The following FMN1 variants were observed in gnomAD, a reference collection of about 807,000 sequenced individuals.
The protein encoded by FMN1 is formin-1.
Under a neutral mutation model 132.4 loss-of-function variants are expected in FMN1, and 110 were observed. The ratio of observed to expected loss-of-function variants is 0.83; its 90% CI spans 0.71 to 0.97. The LOEUF (loss-of-function observed/expected upper bound fraction) is 0.97. Ranked by LOEUF, FMN1 falls within the 50% of genes least tolerant of loss-of-function variation. The probability of loss-of-function intolerance (pLI) is 0.00; values close to 1 mark genes in which losing one functional copy is unlikely to be tolerated. For missense variants in FMN1, 1,792 were observed against 1,705.3 expected, an observed-to-expected ratio of 1.05 and a Z score of -0.90; for synonymous variants, 722 against 651.7, an observed-to-expected ratio of 1.11 and a Z score of -1.64.
chr15:32,943,663 T>C (rs1442318748), intron 9 of FMN1, among the ~76,000 whole-genome samples: 1 of 152,232 alleles, frequency 6.6e-6, no homozygotes, highest in Non-Finnish European at 1.5e-5. Flanking sequence ...CAGGCTCTGA[T>C]GATTGCACTG....
intron 18 of FMN1, among the ~76,000 whole-genome samples, chr15:32,802,930 G>T (rs1240227040): frequency 6.6e-6 from 1 of 152,168 alleles, no homozygotes; most frequent in African/African-American, 2.4e-5. Context: ...ATTATGATAG[G>T]ATGATAAGCA....
In FMN1 at chr15:32,798,956, G is replaced by GC; in HGVS notation, c.3981-4dup. The GC allele has an allele frequency of 2.5e-6, 4 of 1,612,506 alleles. No homozygotes were observed. Among genetic ancestry groups the GC allele is most frequent in the Non-Finnish European group, 3.4e-6 (4 of 1,179,374 alleles). On this transcript the variant is annotated splice_polypyrimidine_tract_variant and splice_region_variant and intron_variant, in intron 18 of 20. Transcript: ENST00000616417. ...AATATCGTACTGTTGTTTCAAAACT[G>GC]CAACAGGTAGGGGGGAAAATGGAAT...
chr15:32,888,495 T>C (rs747665000), intron 15 of FMN1, among the ~76,000 whole-genome samples: 21 of 152,362 alleles, frequency 1.4e-4, no homozygotes, highest in Non-Finnish European at 2.2e-4. Flanking sequence ...TTTGGACTTA[T>C]TGGCAATGAG....
chr15:32,814,421 G>C (rs542434378), intron 17 of FMN1, among the ~76,000 whole-genome samples: 3 of 152,200 alleles, frequency 2.0e-5, no homozygotes, highest in African/African-American at 7.2e-5. Context: ...ATTTCCAACG[G>C]GAAGGGTCTG....
At chr15:33,101,624 C>A (rs971625510) in intron 4 of FMN1, among the ~76,000 whole-genome samples, 14 of 152,226 alleles carry the variant, frequency 9.2e-5, no homozygotes, top group African/African-American at 2.9e-4. Context: ...AAAATAAATT[C>A]TATTTTAAAC....
At chr15:33,017,016 T>C (rs907366279) in intron 6 of FMN1, among the ~76,000 whole-genome samples, 13 of 152,168 alleles carry the variant, frequency 8.5e-5, no homozygotes, top group African/African-American at 2.9e-4. Flanking sequence ...CTTGTGTGTG[T>C]GCAAACACAT....
chr15:33,074,415 C>G (rs1454058988), intron 5 of FMN1, among the ~76,000 whole-genome samples: 1 of 152,226 alleles, frequency 6.6e-6, no homozygotes, highest in Non-Finnish European at 1.5e-5. Context: ...GTCATCCCAT[C>G]AAAAGCCTGC....
intron 6 of FMN1, among the ~76,000 whole-genome samples, chr15:33,014,933 G>C (rs1468641332): frequency 6.6e-6 from 1 of 152,224 alleles, no homozygotes. Flanking sequence ...CATTATTGAG[G>C]GTTATTTTTC....
At chr15:33,128,375 C>T (rs1177019984) in intron 4 of FMN1, among the ~76,000 whole-genome samples, 1 of 152,134 alleles carries the variant, frequency 6.6e-6, no homozygotes, top group African/African-American at 2.4e-5. Flanking sequence ...TCACCAGCCT[C>T]TCTCCGAACT....
chr15:32,928,218 A>G (rs1241024819), intron 9 of FMN1, among the ~76,000 whole-genome samples: 2 of 152,212 alleles, frequency 1.3e-5, no homozygotes, highest in Admixed American at 1.3e-4. Context: ...AATATGTTTA[A>G]GCATGTCAAT....
chr15:33,085,641 A>G (rs1013086357), intron 5 of FMN1, among the ~76,000 whole-genome samples: 15 of 151,158 alleles, frequency 9.9e-5, no homozygotes, highest in African/African-American at 3.6e-4. Context: ...GGAAATAGAC[A>G]TTTTTCATCT....
In FMN1 at chr15:32,869,910, G is replaced by A. The variant is rs368530708; in HGVS notation, c.3836-12803C>T. ...GCAGTTCCAGGGAAGTTGGGGGTGC[G>A]GGGAAAAAGCCAGCTTGGAGAGGCG... On this transcript the variant is annotated intron_variant, in intron 16 of 20. Coordinates refer to ENST00000616417, the MANE Select transcript of FMN1 (RefSeq NM_001277313.2). 2.8e-4 allele frequency among the ~76,000 whole-genome samples: 42 copies of A among 152,284 alleles called. 1 individual carries two copies. In the South Asian group the frequency reaches 5.6e-3, roughly 20 times the overall value.
At chr15:32,872,258 C>A (rs566313918) in intron 16 of FMN1, among the ~76,000 whole-genome samples, 2 of 152,302 alleles carry the variant, frequency 1.3e-5, no homozygotes, top group South Asian at 4.1e-4. Flanking sequence ...ATCATTTGGA[C>A]ATACGATTGC....
At chr15:33,056,740 T>C (rs561482676) in intron 6 of FMN1, among the ~76,000 whole-genome samples, 1 of 152,336 alleles carries the variant, frequency 6.6e-6, no homozygotes, top group Admixed American at 6.5e-5. Context: ...TATGTTGCAA[T>C]ATATTCATAC....
At chr15:33,108,068 G>C (rs2039552871) in intron 4 of FMN1, among the ~76,000 whole-genome samples, 1 of 152,040 alleles carries the variant, frequency 6.6e-6, no homozygotes, top group African/African-American at 2.4e-5. Context: ...GCTCCAGTAA[G>C]AAAGAGTCTC....
chr15:32,950,485 T>C (rs1270279757), intron 9 of FMN1, among the ~76,000 whole-genome samples: 1 of 152,150 alleles, frequency 6.6e-6, no homozygotes, highest in Non-Finnish European at 1.5e-5. Context: ...GTGGTACATA[T>C]ACACTATGGA....
At chr15:33,161,411 G>A (rs1246712791) in intron 3 of FMN1, among the ~76,000 whole-genome samples, 1 of 152,138 alleles carries the variant, frequency 6.6e-6, no homozygotes, top group Non-Finnish European at 1.5e-5. Context: ...TAGTAGGCGT[G>A]CCCTCTAATG....
At chr15:33,053,813 T>G (rs2037091364) in intron 6 of FMN1, among the ~76,000 whole-genome samples, 2 of 152,188 alleles carry the variant, frequency 1.3e-5, no homozygotes, top group Non-Finnish European at 2.9e-5. Context: ...GGCATGCTAC[T>G]TTTCCAACGT....
rs529106160 is a variant in FMN1, at chr15:32,850,176, G to A, written c.3928+6839C>T. Among the ~76,000 whole-genome samples, 307 of 152,118 alleles carry A rather than the reference G, an allele frequency of 2.0e-3. 2 individuals carry two copies. Among genetic ancestry groups the A allele is most frequent in the African/African-American group, 7.2e-3 (299 of 41,390 alleles). On this transcript the variant is annotated intron_variant, in intron 17 of 20. Transcript: ENST00000616417. ...TCTTTCCACAAGCTTTGTAAAGGAC[G>A]TCAGAATTATTTCCCTCACAGGTTA...
Sources: gnomAD v4.1 joint callset for allele counts (sites outside exome capture counted in the v4.1 genomes callset) on GRCh38, gnomAD v4.1.1 for gene constraint, MANE v1.5 for transcripts, NCBI Gene and HGNC (gene_info 2026-07-23, HGNC 2026-07-21) for gene names.